The following BMP5 variants were observed in gnomAD, a reference collection of about 807,000 sequenced individuals.
BMP5 encodes the protein bone morphogenetic protein 5.
A neutral mutation model predicts 46.6 loss-of-function variants in BMP5; 23 were observed. The observed-to-expected ratio is 0.49, with a 90% confidence interval of 0.35 to 0.70. The LOEUF is 0.70. BMP5 is among the 30% of genes least tolerant of loss of function. BMP5 has a pLI of 0.00. For missense variants in BMP5, 545 were observed against 565.6 expected (o/e 0.96, Z 0.37); for synonymous variants, 204 against 191.9 (o/e 1.06, Z -0.52).
chr6:55,777,895 A>G (rs982376725), intron 3 of BMP5, among the ~76,000 whole-genome samples: 4 of 152,066 alleles, frequency 2.6e-5, no homozygotes, highest in Non-Finnish European at 5.9e-5. Flanking sequence ...CTTAGTTAAC[A>G]GACTGGCAGA....
intron 2 of BMP5, among the ~76,000 whole-genome samples, chr6:55,795,519 T>C (rs2127529492): frequency 6.6e-6 from 1 of 152,222 alleles, no homozygotes; most frequent in South Asian, 2.1e-4. Flanking sequence ...GTATACATCA[T>C]AGAAGTCACT....
intron 2 of BMP5, among the ~76,000 whole-genome samples, chr6:55,803,147 T>TGGGGGGGGGGG (rs548461323): frequency 3.3e-4 from 1 of 3,022 alleles, no homozygotes; most frequent in Non-Finnish European, 7.5e-4. Context: ...TTAGCTGGGG[T>TGGGGGGGGGGG]GGGGGGGTGG....
chr6:55,758,494 T>C (rs1017014539), intron 6 of BMP5, among the ~76,000 whole-genome samples: 1 of 151,916 alleles, frequency 6.6e-6, no homozygotes, highest in Non-Finnish European at 1.5e-5. Flanking sequence ...GAAGTATAAT[T>C]TCTACTTTAA....
chr6:55,785,514 T>C (rs1180243324), intron 3 of BMP5, among the ~76,000 whole-genome samples: 1 of 151,784 alleles, frequency 6.6e-6, no homozygotes, highest in Non-Finnish European at 1.5e-5. Flanking sequence ...TTACGCGAGT[T>C]AGAAAACCCA....
At position 55,819,725 on chromosome 6, in the gene BMP5, T is replaced by A; in HGVS notation, c.613A>T (p.Ser205Cys). The A allele has an allele frequency of 6.2e-7, 1 of 1,613,950 alleles. No individual in the cohort carries two copies. The highest frequency in any genetic ancestry group is 1.7e-4 in the Middle Eastern group (1 of 6,060). ...GTTTCATTTTCAAATCGGTTGTTGC[T>A]CCGGTCCTTGTATATCCGGAATTCA... Reference protein sequence around the residue: ...AAEFRIYKDRSNNRFENETIK... With the variant: ...AAEFRIYKDRCNNRFENETIK... Residue 205 changes from serine to cysteine, a missense_variant, in exon 2 of 7, where the codon AGC (serine) becomes TGC (cysteine). By Grantham distance (112) the Ser-to-Cys change is moderately radical. Coordinates refer to ENST00000370830, the MANE Select transcript of BMP5 (RefSeq NM_021073.4).
At chr6:55,819,624 C>T in intron 2 of BMP5, 31 bp downstream of exon 2, 1 of 1,547,490 alleles carries the variant, frequency 6.5e-7, no homozygotes, top group Non-Finnish European at 8.9e-7. Flanking sequence ...ATATATTTGC[C>T]AGGATAATAA....
At chr6:55,849,356 C>T (rs1230743314) in intron 1 of BMP5, among the ~76,000 whole-genome samples, 2 of 151,918 alleles carry the variant, frequency 1.3e-5, no homozygotes, top group Non-Finnish European at 2.9e-5. Context: ...TATATGCAGA[C>T]ATGTGCACAC....
At position 55,874,433 on chromosome 6, in the gene BMP5, G is replaced by C; in HGVS notation, c.433C>G (p.Leu145Val). 1 of 1,613,280 alleles carries C rather than the reference G, an allele frequency of 6.2e-7. No individual in the cohort carries two copies. The highest frequency in any genetic ancestry group is 1.1e-5 in the South Asian group (1 of 91,058). ...TCATTCAGAAAGTTGGTATCATGGA[G>C]GCTGGCTAGAGGAGGACTCTGGGTG... Reference protein sequence around the residue: ...LTTQSPPLASLHDTNFLNDAD... With the variant: ...LTTQSPPLASVHDTNFLNDAD... Residue 145 changes from leucine (L) to valine (V), a missense_variant, in exon 1 of 7, where the codon CTC (leucine) becomes GTC (valine). Transcript: ENST00000370830.
At chr6:55,813,700 C>T (rs1286992633) in intron 2 of BMP5, among the ~76,000 whole-genome samples, 1 of 150,458 alleles carries the variant, frequency 6.6e-6, no homozygotes, top group Admixed American at 6.6e-5. Context: ...GGCAGGAGAA[C>T]AGCGTGAACC....
At chr6:55,854,982 C>T (rs954933235) in intron 1 of BMP5, among the ~76,000 whole-genome samples, 1 of 151,874 alleles carries the variant, frequency 6.6e-6, no homozygotes, top group Non-Finnish European at 1.5e-5. Flanking sequence ...TAGTCTGGAC[C>T]AATTTATGTA....
At chr6:55,814,847 T>C (rs898646821) in intron 2 of BMP5, among the ~76,000 whole-genome samples, 1 of 152,184 alleles carries the variant, frequency 6.6e-6, no homozygotes, top group African/African-American at 2.4e-5. Context: ...AATTGAAATA[T>C]GGCCAAGCGT....
intron 1 of BMP5, among the ~76,000 whole-genome samples, chr6:55,842,034 C>T (rs181201909): frequency 2.0e-5 from 3 of 152,106 alleles, no homozygotes; most frequent in East Asian, 3.9e-4. Flanking sequence ...TTCTATTAAC[C>T]GCTATTGATC....
chr6:55,806,082 A>G (rs1270257645), intron 2 of BMP5, among the ~76,000 whole-genome samples: 1 of 152,010 alleles, frequency 6.6e-6, no homozygotes, highest in Non-Finnish European at 1.5e-5. Flanking sequence ...ATTAGATCTC[A>G]TTTATTACTT....
At chr6:55,816,404 T>C (rs1474361906) in intron 2 of BMP5, among the ~76,000 whole-genome samples, 1 of 152,106 alleles carries the variant, frequency 6.6e-6, no homozygotes, top group Non-Finnish European at 1.5e-5. Context: ...TAACTAACAT[T>C]CAGAATATTA....
chr6:55,788,161 G>GT (rs1775492982), intron 3 of BMP5, among the ~76,000 whole-genome samples: 1 of 151,612 alleles, frequency 6.6e-6, no homozygotes, highest in African/African-American at 2.4e-5. Context: ...TTAAACAGGA[G>GT]TTTTTATGCT....
At chr6:55,862,685 T>C (rs1344284459) in intron 1 of BMP5, among the ~76,000 whole-genome samples, 1 of 152,188 alleles carries the variant, frequency 6.6e-6, no homozygotes, top group African/African-American at 2.4e-5. Context: ...GAATGTACAA[T>C]TAGCATCCAG....
At chr6:55,781,896 T>C (rs1308783695) in intron 3 of BMP5, among the ~76,000 whole-genome samples, 1 of 152,070 alleles carries the variant, frequency 6.6e-6, no homozygotes, top group Non-Finnish European at 1.5e-5. Flanking sequence ...TTGTTAAATA[T>C]TTGACCTTCC....
intron 2 of BMP5, among the ~76,000 whole-genome samples, chr6:55,815,572 C>T (rs1487146588): frequency 6.6e-6 from 1 of 152,068 alleles, no homozygotes; most frequent in Non-Finnish European, 1.5e-5. Flanking sequence ...AAAATAAAGT[C>T]TTAGCCAAAT....
At chr6:55,773,426 C>T (rs968964997) in intron 4 of BMP5, among the ~76,000 whole-genome samples, 1 of 151,718 alleles carries the variant, frequency 6.6e-6, no homozygotes, top group Non-Finnish European at 1.5e-5. Context: ...AATTTGATCC[C>T]TCTATAATTA....
Sources: gnomAD v4.1 joint callset for allele counts (sites outside exome capture counted in the v4.1 genomes callset) on GRCh38, gnomAD v4.1.1 for gene constraint, MANE v1.5 for transcripts, NCBI Gene and HGNC (gene_info 2026-07-23, HGNC 2026-07-21) for gene names.